The following ITGA2 variants were observed in gnomAD, a reference collection of about 807,000 sequenced individuals.
ITGA2 encodes integrin subunit alpha 2.
In ITGA2, 101 loss-of-function variants were observed where a neutral mutation model predicts 146.3. The ratio of observed to expected loss-of-function variants is 0.69; its 90% CI spans 0.59 to 0.81. ITGA2 has a LOEUF of 0.81. Ranked by LOEUF, ITGA2 falls within the 40% of genes least tolerant of loss-of-function variation. ITGA2 has a pLI of 0.00. For missense variants in ITGA2, 1,281 were observed against 1,402.7 expected, an observed-to-expected ratio of 0.91 and a Z score of 1.39; for synonymous variants, 477 against 487.1, an observed-to-expected ratio of 0.98 and a Z score of 0.27.
At position 53,042,078 on chromosome 5, in the gene ITGA2, C is replaced by T. The variant is rs3212441; in HGVS notation, c.186-34C>T. The stretch of plus-strand genomic sequence containing the variant: ...TTTATCTTTAAGAAACTATACTTAA[C>T]ACTTTGTGTCTAATAAAAAAAATGT... On this transcript the variant is annotated intron_variant, in intron 2 of 29. Coordinates refer to ENST00000296585, the MANE Select transcript of ITGA2 (RefSeq NM_002203.4). 343,349 of 1,215,734 alleles carry T rather than the reference C, an allele frequency of 0.28. 49,672 individuals carry two copies. Among genetic ancestry groups the T allele is most frequent in the Admixed American group, 0.34 (20,492 of 59,432 alleles). 75.3% of individuals were successfully genotyped at this position (1,215,734 alleles called of 1,614,324 possible). A position where few individuals can be genotyped will look rare whatever the true frequency, so the allele number is the denominator to read the frequency against.
intron 17 of ITGA2, among the ~76,000 whole-genome samples, chr5:53,070,953 G>T (rs1745363481): frequency 6.6e-6 from 1 of 151,902 alleles, no homozygotes; most frequent in Non-Finnish European, 1.5e-5. Flanking sequence ...AGGTGCGAAA[G>T]AACTGCCAGG....
At chr5:53,030,285 G>A (rs1743163951) in intron 2 of ITGA2, among the ~76,000 whole-genome samples, 1 of 152,216 alleles carries the variant, frequency 6.6e-6, no homozygotes, top group South Asian at 2.1e-4. Context: ...CAGGGACACT[G>A]GACATTTCTA....
chr5:53,036,068 C>A (rs1317774808), intron 2 of ITGA2, among the ~76,000 whole-genome samples: 1 of 152,042 alleles, frequency 6.6e-6, no homozygotes, highest in East Asian at 1.9e-4. Context: ...TTCATTCATT[C>A]ATTCATTCAT....
chr5:53,046,173 C>T (rs1744072385), intron 4 of ITGA2, among the ~76,000 whole-genome samples: 1 of 123,936 alleles, frequency 8.1e-6, no homozygotes, highest in Non-Finnish European at 1.6e-5. Context: ...CCAGCCTAAG[C>T]GACAGAGTGA....
At chr5:53,083,683 C>G (rs1057427092) in intron 27 of ITGA2, among the ~76,000 whole-genome samples, 1 of 152,174 alleles carries the variant, frequency 6.6e-6, no homozygotes, top group African/African-American at 2.4e-5. Flanking sequence ...GTCTGTTTCT[C>G]AGACTCCATG....
chr5:52,994,933 C>A (rs926949497), intron 1 of ITGA2, among the ~76,000 whole-genome samples: 1 of 152,096 alleles, frequency 6.6e-6, no homozygotes, highest in Admixed American at 6.5e-5. Context: ...AGGTAAGAAT[C>A]ATTACAATTT....
intron 3 of ITGA2, among the ~76,000 whole-genome samples, chr5:53,043,733 T>C (rs1743919195): frequency 6.6e-6 from 1 of 152,182 alleles, no homozygotes; most frequent in African/African-American, 2.4e-5. Context: ...TAAAAAGGGA[T>C]GATTTGTCCA....
chr5:53,020,735 G>C (rs1269270498), intron 1 of ITGA2, among the ~76,000 whole-genome samples: 6 of 151,226 alleles, frequency 4.0e-5, no homozygotes, highest in Non-Finnish European at 8.8e-5. Context: ...AGGCTGGAGT[G>C]CAGTGGCTCG....
At chr5:53,031,121 C>T (rs945401152) in intron 2 of ITGA2, among the ~76,000 whole-genome samples, 3 of 152,218 alleles carry the variant, frequency 2.0e-5, no homozygotes, top group African/African-American at 7.2e-5. Flanking sequence ...CCCTTCTCTA[C>T]TCTTAATTTA....
chr5:52,991,187 C>T (rs1438824663), intron 1 of ITGA2, among the ~76,000 whole-genome samples: 1 of 152,140 alleles, frequency 6.6e-6, no homozygotes, highest in African/African-American at 2.4e-5. Context: ...TTCCCTCCTC[C>T]TACTCCAGCC....
intron 24 of ITGA2, 118 bp from the exon 25 acceptor site, chr5:53,080,393 C>G: frequency 1.3e-6 from 1 of 791,602 alleles, no homozygotes; most frequent in Non-Finnish European, 2.2e-6. Context: ...GGCTGACTTT[C>G]ATTTGGACTC....
intron 28 of ITGA2, among the ~76,000 whole-genome samples, chr5:53,087,580 T>C (rs1344307920): frequency 6.6e-6 from 1 of 151,008 alleles, no homozygotes; most frequent in Non-Finnish European, 1.5e-5. Context: ...GCATGTCCAT[T>C]CATTAGATCT....
At chr5:53,018,941 G>A (rs1285755410) in intron 1 of ITGA2, among the ~76,000 whole-genome samples, 1 of 152,052 alleles carries the variant, frequency 6.6e-6, no homozygotes, top group East Asian at 1.9e-4. Context: ...GTACACGCCT[G>A]TAATCCCAGC....
rs562599883 is a variant in ITGA2, at chr5:53,033,123, G to A, written c.185+6255G>A. Among the ~76,000 whole-genome samples the A allele has an allele frequency of 1.6e-3, 245 of 152,214 alleles. 2 individuals carry two copies. The highest frequency in any genetic ancestry group is 5.5e-3 in the African/African-American group (230 of 41,540). ...TCTCTACCAAAACCATAAAAAATTA[G>A]CAGGGCGTGGTGGCAGGCACCTGTA... On this transcript the variant is annotated intron_variant, in intron 2 of 29. Coordinates refer to ENST00000296585, the MANE Select transcript of ITGA2 (RefSeq NM_002203.4).
chr5:53,067,068 G>T lies in ITGA2; in HGVS notation c.1944-50G>T, dbSNP rs369689591. ...TCCTCTATGATAAAGGATATAATAC[G>T]TGTGCTCAGTAATAACATCCATCCA... On this transcript the variant is annotated intron_variant, in intron 15 of 29. Transcript: ENST00000296585. 3.8e-6 allele frequency: 6 copies of T among 1,578,136 alleles called. No homozygotes were observed. In the South Asian group the frequency reaches 5.5e-5, roughly 15 times the overall value.
chr5:53,022,474 A>C (rs1301687846), intron 1 of ITGA2, among the ~76,000 whole-genome samples: 1 of 152,218 alleles, frequency 6.6e-6, no homozygotes, highest in Admixed American at 6.5e-5. Context: ...TAGGAGAATA[A>C]ATTTCATATT....
At chr5:53,056,362 C>T (rs1047334991) in intron 9 of ITGA2, among the ~76,000 whole-genome samples, 1 of 151,860 alleles carries the variant, frequency 6.6e-6, no homozygotes, top group Non-Finnish European at 1.5e-5. Context: ...TCCCAATTTA[C>T]AAAGTATATT....
intron 2 of ITGA2, among the ~76,000 whole-genome samples, chr5:53,031,502 T>C (rs1285763583): frequency 2.6e-5 from 4 of 152,224 alleles, no homozygotes; most frequent in African/African-American, 4.8e-5. Flanking sequence ...ATTTTTAAAG[T>C]ACAATTTTAG....
chr5:53,006,862 T>A (rs1403064158), intron 1 of ITGA2, among the ~76,000 whole-genome samples: 2 of 151,448 alleles, frequency 1.3e-5, no homozygotes, highest in African/African-American at 4.9e-5. Context: ...AACAAAAACA[T>A]AAAAAAAAAT....
Sources: gnomAD v4.1 joint callset for allele counts (sites outside exome capture counted in the v4.1 genomes callset) on GRCh38, gnomAD v4.1.1 for gene constraint, MANE v1.5 for transcripts, NCBI Gene and HGNC (gene_info 2026-07-23, HGNC 2026-07-21) for gene names.